WDPCP: variants seen among roughly 807,000 people sequenced by gnomAD.
WDPCP encodes the protein WD repeat containing planar cell polarity effector, also known as WD repeat-containing and planar cell polarity effector protein fritz homolog.
In WDPCP, 71 loss-of-function variants were observed where a neutral mutation model predicts 93.1. That is an observed-to-expected ratio of 0.76 (90% CI 0.63 to 0.93). WDPCP has a LOEUF of 0.93. WDPCP is among the 40% of genes least tolerant of loss of function. The probability of loss-of-function intolerance (pLI) is 0.00; values close to 1 mark genes in which losing one functional copy is unlikely to be tolerated. For missense variants in WDPCP, 844 were observed against 887.4 expected (o/e 0.95, Z 0.62); for synonymous variants, 315 against 315.0 (o/e 1.00, Z 0.00).
intron 12 of WDPCP, among the ~76,000 whole-genome samples, chr2:63,329,210 C>T (rs1371718970): frequency 6.6e-6 from 1 of 152,150 alleles, no homozygotes; most frequent in Non-Finnish European, 1.5e-5. Context: ...CTCCCACTGG[C>T]CCTGGCAATA....
chr2:63,401,041 C>G (rs1694108874), intron 10 of WDPCP, among the ~76,000 whole-genome samples: 1 of 151,872 alleles, frequency 6.6e-6, no homozygotes, highest in Admixed American at 6.6e-5. Flanking sequence ...TCATAAAAAC[C>G]CGAGAAGAAA....
At chr2:63,605,373 A>G in intron 3 of WDPCP, 1 of 1,613,958 alleles carries the variant, frequency 6.2e-7, no homozygotes, top group South Asian at 1.1e-5. Flanking sequence ...CGTCAGGGAC[A>G]TCTGGTTTGG....
chr2:63,369,982 C>A (rs1448619030), intron 12 of WDPCP, among the ~76,000 whole-genome samples: 2 of 152,032 alleles, frequency 1.3e-5, no homozygotes, highest in South Asian at 2.1e-4. Flanking sequence ...ATGCTTTGGG[C>A]GACACCCCTC....
intron 17 of WDPCP, among the ~76,000 whole-genome samples, chr2:63,130,734 T>A (rs1263802804): frequency 6.6e-6 from 1 of 152,130 alleles, no homozygotes; most frequent in Non-Finnish European, 1.5e-5. Flanking sequence ...GTTTTTCAAG[T>A]CTTCTGTTGT....
At chr2:63,474,293 G>C (rs946810615) in intron 6 of WDPCP, among the ~76,000 whole-genome samples, 1 of 151,814 alleles carries the variant, frequency 6.6e-6, no homozygotes. Flanking sequence ...CATATCCATG[G>C]CAAATTAGAA....
intron 2 of WDPCP, among the ~76,000 whole-genome samples, chr2:63,655,887 C>A (rs915273209): frequency 3.3e-5 from 5 of 152,166 alleles, no homozygotes; most frequent in Admixed American, 3.3e-4. Context: ...TCATTTATTT[C>A]CCCAGTTCCT....
chr2:63,586,784 G>T (rs2106572812), intron 1 of WDPCP, among the ~76,000 whole-genome samples: 1 of 152,326 alleles, frequency 6.6e-6, no homozygotes, highest in East Asian at 1.9e-4. Flanking sequence ...TGGAGTATGG[G>T]AATGTCCTGT....
At chr2:63,274,191 A>T (rs956000036) in intron 13 of WDPCP, among the ~76,000 whole-genome samples, 1 of 152,192 alleles carries the variant, frequency 6.6e-6, no homozygotes, top group Non-Finnish European at 1.5e-5. Context: ...CAATACCAAG[A>T]GGAACTATGG....
At chr2:63,191,356 C>T (rs1258867083) in intron 14 of WDPCP, among the ~76,000 whole-genome samples, 1 of 151,998 alleles carries the variant, frequency 6.6e-6, no homozygotes, top group Non-Finnish European at 1.5e-5. Context: ...TGCACCACTG[C>T]ACTCCAGCCT....
At chr2:63,783,482 G>A (rs534852830) in intron 2 of WDPCP, among the ~76,000 whole-genome samples, 16 of 152,202 alleles carry the variant, frequency 1.1e-4, no homozygotes, top group Middle Eastern at 6.8e-3. Flanking sequence ...TATGTTTATT[G>A]CAGCTCTATT....
At chr2:63,271,516 C>A (rs1682643857) in intron 13 of WDPCP, among the ~76,000 whole-genome samples, 1 of 152,204 alleles carries the variant, frequency 6.6e-6, no homozygotes. Flanking sequence ...TCACTGGCAT[C>A]TGAGTACACC....
intron 14 of WDPCP, among the ~76,000 whole-genome samples, chr2:63,186,360 C>G (rs1452526733): frequency 6.6e-6 from 1 of 152,226 alleles, no homozygotes; most frequent in African/African-American, 2.4e-5. Flanking sequence ...GGCCCTTCCC[C>G]ACCTCCAGTC....
chr2:63,653,078 G>C (rs1031338382), intron 2 of WDPCP, among the ~76,000 whole-genome samples: 3 of 152,192 alleles, frequency 2.0e-5, no homozygotes, highest in Non-Finnish European at 4.4e-5. Context: ...GCAATTTCCT[G>C]GCAGTAGCTC....
intron 15 of WDPCP, among the ~76,000 whole-genome samples, 157 bp downstream of exon 15, chr2:63,174,513 G>C (rs1215538709): frequency 6.6e-6 from 1 of 152,164 alleles, no homozygotes; most frequent in Non-Finnish European, 1.5e-5. Flanking sequence ...CATTATGCCT[G>C]CTCCAAATAA....
At chr2:63,287,258 A>G (rs1469636050) in intron 13 of WDPCP, among the ~76,000 whole-genome samples, 2 of 151,926 alleles carry the variant, frequency 1.3e-5, no homozygotes, top group African/African-American at 4.8e-5. Flanking sequence ...GAACTGGGGA[A>G]GGGTGGATAT....
At chr2:63,777,549 T>C (rs948732840) in intron 2 of WDPCP, among the ~76,000 whole-genome samples, 4 of 152,180 alleles carry the variant, frequency 2.6e-5, no homozygotes, top group Admixed American at 2.6e-4. Context: ...AATAAACAAA[T>C]TGTAGTATAT....
At chr2:63,145,182 G>A (rs556052190) in intron 17 of WDPCP, among the ~76,000 whole-genome samples, 3 of 152,288 alleles carry the variant, frequency 2.0e-5, no homozygotes, top group South Asian at 2.1e-4. Flanking sequence ...GATGGACTCC[G>A]TGAGGGTTCT....
At chr2:63,153,957 T>C (rs1672056421) in intron 15 of WDPCP, among the ~76,000 whole-genome samples, 1 of 151,954 alleles carries the variant, frequency 6.6e-6, no homozygotes, top group Non-Finnish European at 1.5e-5. Context: ...TTTTATAAAC[T>C]TGTAAAAGTA....
chr2:63,562,815 G>C (rs1419969336), intron 1 of WDPCP, among the ~76,000 whole-genome samples: 1 of 152,198 alleles, frequency 6.6e-6, no homozygotes, highest in Non-Finnish European at 1.5e-5. Flanking sequence ...GGCCACTGGA[G>C]TTCCTTCAAG....
Sources: gnomAD v4.1 joint callset for allele counts (sites outside exome capture counted in the v4.1 genomes callset) on GRCh38, gnomAD v4.1.1 for gene constraint, MANE v1.5 for transcripts, NCBI Gene and HGNC (gene_info 2026-07-23, HGNC 2026-07-21) for gene names.